The following PSORS1C1 variants were observed in gnomAD, a reference collection of about 807,000 sequenced individuals.
PSORS1C1 encodes the protein psoriasis susceptibility 1 candidate gene 1 protein.
A neutral mutation model predicts 9.4 loss-of-function variants in PSORS1C1; 7 were observed. That is an observed-to-expected ratio of 0.75 (90% CI 0.42 to 1.40). The LOEUF is 1.40. Among genes scored for constraint, PSORS1C1 ranks in the 40% most tolerant of loss-of-function variants. The pLI, the probability that PSORS1C1 is intolerant of heterozygous loss-of-function variation, is 0.01. For missense variants in PSORS1C1, 146 were observed against 178.1 expected (o/e 0.82, Z 1.02); for synonymous variants, 63 against 69.4 (o/e 0.91, Z 0.46).
chr6:31,121,179 G>GGC (rs1196226059), intron 1 of PSORS1C1, among the ~76,000 whole-genome samples: 1 of 151,826 alleles, frequency 6.6e-6, no homozygotes, highest in Non-Finnish European at 1.5e-5. Flanking sequence ...GGGGTGGGGG[G>GGC]GTGCTGGGAG....
At chr6:31,134,600 T>G (rs10456391) in intron 3 of PSORS1C1, among the ~76,000 whole-genome samples, 1 of 151,624 alleles carries the variant, frequency 6.6e-6, no homozygotes, top group African/African-American at 2.4e-5. Flanking sequence ...CCACCGCGCC[T>G]GGCCTCTCAT....
rs141573634 is a variant in PSORS1C1 at position 31,123,219 on chromosome 6, C to T, written c.-228-2457C>T. Among the ~76,000 whole-genome samples, 373 of 152,314 alleles carry T rather than the reference C, an allele frequency of 2.4e-3. 2 individuals are homozygous for T. The highest frequency in any genetic ancestry group is 8.3e-3 in the African/African-American group (345 of 41,572). ...CTACTCTCTCCTGTCCACTCCTGTC[C>T]ACCCCATCCTGCCACCCTGGGCTGC... On this transcript the variant is annotated intron_variant, in intron 1 of 5. Coordinates refer to ENST00000259881, the MANE Select transcript of PSORS1C1 (RefSeq NM_014068.3).
In PSORS1C1 at chr6:31,116,382, G is replaced by C. The variant is rs536731330; in HGVS notation, c.-229+1491G>C. On this transcript the variant is annotated intron_variant, in intron 1 of 5. Transcript: ENST00000259881. ...GGGAAGCACTGCCGCAGGGATGGTA[G>C]GGTAAACCGGAGCTGCTGGAAATGC... The C allele has an allele frequency of 2.5e-6, 4 of 1,606,360 alleles. No homozygotes were observed. The Admixed American group carries it at 6.9e-5, about 28-fold the overall frequency.
chr6:31,138,095 C>G (rs1423942245), intron 3 of PSORS1C1: 15 of 1,586,006 alleles, frequency 9.5e-6, no homozygotes, highest in East Asian at 2.2e-5. Context: ...GAGGAGGATC[C>G]GTTCTAGGCG....
At chr6:31,136,558 T>A (rs1261219432) in intron 3 of PSORS1C1, among the ~76,000 whole-genome samples, 1 of 152,056 alleles carries the variant, frequency 6.6e-6, no homozygotes, top group Non-Finnish European at 1.5e-5. Context: ...GGAAACTGAT[T>A]CCCTTAAAAC....
chr6:31,117,171 C>A, intron 1 of PSORS1C1: 1 of 1,611,658 alleles, frequency 6.2e-7, no homozygotes, highest in South Asian at 1.1e-5. Context: ...TGCTGCTTCC[C>A]GAGTGAGAGC....
At chr6:31,124,768 G>T (rs1772607201) in intron 1 of PSORS1C1, among the ~76,000 whole-genome samples, 1 of 152,188 alleles carries the variant, frequency 6.6e-6, no homozygotes, top group East Asian at 1.9e-4. Context: ...TCAGGAATTT[G>T]AAACCAGCCT....
chr6:31,115,203 C>T lies in PSORS1C1; in HGVS notation c.-229+312C>T, dbSNP rs1006393280. On this transcript the variant is annotated intron_variant, in intron 1 of 5. Transcript: ENST00000259881. This position sits in a 1 kb window ranked among gnomAD's most constrained non-coding sequence, Gnocchi z 4.2. ...TGAGGAACACAGAGACCTCTAGAGG[C>T]GTAGGAAGAGCACCACCCAGACTCT... The T allele has an allele frequency of 6.6e-6, 2 of 302,540 alleles. No homozygotes were observed. The highest frequency in any genetic ancestry group is 9.3e-5 in the East Asian group (1 of 10,782). The allele number at this position is 302,540 out of a possible 1,614,324, so 18.7% of individuals were successfully genotyped here.
intron 3 of PSORS1C1, among the ~76,000 whole-genome samples, chr6:31,133,052 T>G (rs1443093650): frequency 6.6e-6 from 1 of 151,858 alleles, no homozygotes; most frequent in Admixed American, 6.6e-5. Context: ...AGAGAAAAAT[T>G]TCCAAGTGCT....
At chr6:31,123,845 TG>T (rs1772565456) in intron 1 of PSORS1C1, among the ~76,000 whole-genome samples, 1 of 152,186 alleles carries the variant, frequency 6.6e-6, no homozygotes, top group East Asian at 1.9e-4. Flanking sequence ...GCCATCCAGC[TG>T]GGGACACACA....
chr6:31,120,198 G>T, intron 1 of PSORS1C1: 1 of 677,276 alleles, frequency 1.5e-6, no homozygotes, highest in East Asian at 2.7e-5. Flanking sequence ...AAACTTACCT[G>T]AGGCGACCAT....
intron 1 of PSORS1C1, chr6:31,118,423 C>G (rs1351600794): frequency 6.6e-6 from 1 of 152,448 alleles, no homozygotes; most frequent in Non-Finnish European, 1.5e-5. Flanking sequence ...CCTGCTCTCG[C>G]TGGCCCAGCC....
intron 1 of PSORS1C1, chr6:31,116,581 A>T: frequency 6.2e-7 from 1 of 1,613,700 alleles, no homozygotes; most frequent in Non-Finnish European, 8.5e-7. Context: ...GCCCTCAGAG[A>T]TGGGGGGCCC....
At chr6:31,130,864 T>A (rs969811984) in intron 3 of PSORS1C1, among the ~76,000 whole-genome samples, 3 of 141,982 alleles carry the variant, frequency 2.1e-5, no homozygotes, top group Admixed American at 7.1e-5. Flanking sequence ...TAATTTTAAT[T>A]TTTTTTTTTT....
rs925320713 is a variant in PSORS1C1, at chr6:31,140,072, A to G, written c.*140A>G. 73 of 761,098 alleles carry G rather than the reference A, an allele frequency of 9.6e-5. No homozygotes were observed. The highest frequency in any genetic ancestry group is 1.5e-4 in the Non-Finnish European group (70 of 455,742). The allele number at this position is 761,098 out of a possible 1,614,324, so 47.1% of individuals were successfully genotyped here. A position where few individuals can be genotyped will look rare whatever the true frequency, so the allele number is the denominator to read the frequency against. ...CCTGCCTGGTCCGCTACCCCACAGTAAGGAACACCTTATTATGCAATGGCG... is the reference window on the plus strand; with the variant it reads ...CCTGCCTGGTCCGCTACCCCACAGTGAGGAACACCTTATTATGCAATGGCG... On this transcript the variant is annotated 3_prime_UTR_variant, in exon 6 of 6. Coordinates refer to ENST00000259881, the MANE Select transcript of PSORS1C1 (RefSeq NM_014068.3). The surrounding 1 kb of genome is among the most constrained non-coding windows in gnomAD (Gnocchi z 4.6).
rs901964810 is a variant in PSORS1C1 at position 31,114,864 on chromosome 6, G to A, written c.-256G>A. 8.8e-6 allele frequency: 4 copies of A among 452,910 alleles called. No individual in the cohort carries two copies. The highest frequency in any genetic ancestry group is 8.1e-5 in the African/African-American group (4 of 49,304). 28.1% of individuals were successfully genotyped at this position (452,910 alleles called of 1,614,324 possible). ...AGAAACCCAGGAAATCGAGACTCAT[G>A]ACTCCCAGAGAGGATGGCATCTAGA... On this transcript the variant is annotated 5_prime_UTR_variant, in exon 1 of 6. It removes an upstream start codon present in the reference 5' UTR. Transcript: ENST00000259881.
At chr6:31,133,446 C>G (rs922807387) in intron 3 of PSORS1C1, 1 of 152,210 alleles carries the variant, frequency 6.6e-6, no homozygotes, top group Non-Finnish European at 1.5e-5. Flanking sequence ...GTTCTGGCCA[C>G]GAGAGCTCAT....
chr6:31,115,090 T>C lies in PSORS1C1; in HGVS notation c.-229+199T>C. The C allele has an allele frequency of 2.8e-6, 1 of 356,232 alleles. No homozygotes were observed. Among genetic ancestry groups the C allele is most frequent in the Non-Finnish European group, 5.5e-6 (1 of 181,474 alleles). 22.1% of individuals were successfully genotyped at this position (356,232 alleles called of 1,614,324 possible). A position where few individuals can be genotyped will look rare whatever the true frequency, so the allele number is the denominator to read the frequency against. ...ATCTGGGAGGCCAGGCAATCTCTGC[T>C]TTCAGTTCAACAAATATTTATTGTC... is the stretch of plus-strand genomic sequence containing the variant. On this transcript the variant is annotated intron_variant, in intron 1 of 5. Transcript: ENST00000259881. The surrounding 1 kb of genome is among the most constrained non-coding windows in gnomAD (Gnocchi z 4.2).
chr6:31,139,138 A>G lies in PSORS1C1; in HGVS notation c.167+359A>G, dbSNP rs1177010576. On this transcript the variant is annotated intron_variant, in intron 5 of 5. Transcript: ENST00000259881. This position sits in a 1 kb window ranked among gnomAD's most constrained non-coding sequence, Gnocchi z 5.2. ...GGGACCAGCCCAGTGGCACAGGAAT[A>G]CCATCAGAACAGAACTGGTCAAACC... The G allele has an allele frequency of 7.3e-6, 6 of 818,760 alleles. No homozygotes were observed. Among genetic ancestry groups the G allele is most frequent in the Non-Finnish European group, 1.2e-5 (6 of 487,990 alleles). The allele number at this position is 818,760 out of a possible 1,614,324, so 50.7% of individuals were successfully genotyped here. A position where few individuals can be genotyped will look rare whatever the true frequency, so the allele number is the denominator to read the frequency against.
Sources: allele counts gnomAD v4.1 joint callset (sites outside exome capture counted in the v4.1 genomes callset), GRCh38; gene constraint gnomAD v4.1.1; non-coding constraint Gnocchi (gnomAD v3.1); transcripts MANE v1.5; gene names NCBI Gene and HGNC (gene_info 2026-07-23, HGNC 2026-07-21).